CADPS: variants seen among roughly 807,000 people sequenced by gnomAD.
CADPS encodes calcium dependent secretion activator, also known as calcium-dependent secretion activator 1.
Under a neutral mutation model 167.3 loss-of-function variants are expected in CADPS, and 57 were observed. The ratio of observed to expected loss-of-function variants is 0.34; its 90% CI spans 0.28 to 0.42. The LOEUF (loss-of-function observed/expected upper bound fraction) is 0.42, where lower values mean the gene tolerates loss of function less well. CADPS is among the 20% of genes least tolerant of loss of function. The pLI is 1.00. For synonymous variants in CADPS, 676 were observed against 635.3 expected, an observed-to-expected ratio of 1.06 and a Z score of -0.96; for missense variants, 1,414 against 1,738.1, an observed-to-expected ratio of 0.81 and a Z score of 3.32.
intron 3 of CADPS, among the ~76,000 whole-genome samples, chr3:62,709,410 TTTTTG>T (rs572023487): frequency 7.0e-4 from 106 of 152,262 alleles, no homozygotes; most frequent in Non-Finnish European, 1.4e-3. Context: ...TTGGACAATA[TTTTTG>T]TTTTGTTTTG....
chr3:62,760,789 A>C (rs2085210925), intron 2 of CADPS, among the ~76,000 whole-genome samples: 1 of 152,162 alleles, frequency 6.6e-6, no homozygotes, highest in South Asian at 2.1e-4. Flanking sequence ...TACTCCTCTT[A>C]AATAAAAAAA....
At chr3:62,607,036 A>C (rs1375394129) in intron 6 of CADPS, among the ~76,000 whole-genome samples, 1 of 152,240 alleles carries the variant, frequency 6.6e-6, no homozygotes, top group Non-Finnish European at 1.5e-5. Flanking sequence ...TTACACAGCA[A>C]CAGTGAACTG....
intron 21 of CADPS, among the ~76,000 whole-genome samples, chr3:62,483,463 T>C (rs1339816546): frequency 1.3e-5 from 2 of 152,112 alleles, no homozygotes; most frequent in African/African-American, 2.4e-5. Context: ...TAGAAACAGA[T>C]TATTCTTTCA....
At chr3:62,799,197 G>A (rs1386909505) in intron 1 of CADPS, among the ~76,000 whole-genome samples, 2 of 152,132 alleles carry the variant, frequency 1.3e-5, no homozygotes, top group Admixed American at 6.6e-5. Flanking sequence ...TTACTTGGGT[G>A]CTCTGAGGAA....
intron 3 of CADPS, among the ~76,000 whole-genome samples, chr3:62,738,712 G>T (rs559157935): frequency 6.6e-6 from 1 of 152,100 alleles, no homozygotes; most frequent in African/African-American, 2.4e-5. Context: ...GGCAACAAGA[G>T]TGAAACTCCG....
chr3:62,580,918 C>T (rs2083306760), intron 8 of CADPS, among the ~76,000 whole-genome samples: 1 of 152,118 alleles, frequency 6.6e-6, no homozygotes, highest in East Asian at 1.9e-4. Context: ...GGACTACAAC[C>T]TTAGAAAATC....
chr3:62,518,033 T>A (rs1035996670), intron 14 of CADPS, 116 bp downstream of exon 14: 1 of 736,998 alleles, frequency 1.4e-6, no homozygotes, highest in African/African-American at 1.8e-5. Context: ...TACTCAGTTA[T>A]TTCTAAATAT....
chr3:62,732,780 G>A (rs1349703287), intron 3 of CADPS, among the ~76,000 whole-genome samples: 1 of 152,126 alleles, frequency 6.6e-6, no homozygotes, highest in African/African-American at 2.4e-5. Context: ...CTTTTCCTGT[G>A]GTTGTAATGT....
chr3:62,426,138 G>T (rs1332294017), intron 28 of CADPS, among the ~76,000 whole-genome samples: 1 of 151,888 alleles, frequency 6.6e-6, no homozygotes, highest in Non-Finnish European at 1.5e-5. Context: ...AAGGGTGTGG[G>T]GTGTGTGTTG....
At chr3:62,618,952 T>C (rs1017168223) in intron 6 of CADPS, among the ~76,000 whole-genome samples, 6 of 152,216 alleles carry the variant, frequency 3.9e-5, no homozygotes, top group Non-Finnish European at 8.8e-5. Flanking sequence ...CTTATCTTAA[T>C]TAGGTATTGA....
intron 1 of CADPS, among the ~76,000 whole-genome samples, chr3:62,807,263 CTTT>C (rs1173087995): frequency 2.8e-5 from 4 of 141,114 alleles, no homozygotes; most frequent in Admixed American, 7.2e-5. Flanking sequence ...ATCAAATTTC[CTTT>C]TTTTTTTTTT....
chr3:62,546,226 C>A (rs1211655395), intron 11 of CADPS, among the ~76,000 whole-genome samples: 1 of 151,784 alleles, frequency 6.6e-6, no homozygotes, highest in Non-Finnish European at 1.5e-5. Flanking sequence ...TATAGATTGG[C>A]AACCAAATGT....
At chr3:62,493,141 T>C (rs922185645) in intron 19 of CADPS, among the ~76,000 whole-genome samples, 2 of 152,162 alleles carry the variant, frequency 1.3e-5, no homozygotes, top group African/African-American at 4.8e-5. Context: ...ATATGTACAT[T>C]GAAAACCAAA....
chr3:62,684,203 A>G (rs568198563), intron 3 of CADPS, among the ~76,000 whole-genome samples: 5 of 152,156 alleles, frequency 3.3e-5, no homozygotes, highest in South Asian at 2.1e-4. Context: ...ATTATTTATT[A>G]CAGTATGGAC....
chr3:62,767,855 A>T (rs1015601646), intron 1 of CADPS, among the ~76,000 whole-genome samples: 53 of 152,362 alleles, frequency 3.5e-4, no homozygotes, highest in African/African-American at 1.2e-3. Flanking sequence ...CAATATAGCC[A>T]AAATAACGTT....
At chr3:62,812,336 G>A (rs1348016594) in intron 1 of CADPS, among the ~76,000 whole-genome samples, 1 of 152,088 alleles carries the variant, frequency 6.6e-6, no homozygotes, top group Non-Finnish European at 1.5e-5. Flanking sequence ...TACATAAGGT[G>A]GCCTTCAAGT....
At chr3:62,510,691 C>T (rs2067614333) in intron 17 of CADPS, among the ~76,000 whole-genome samples, 1 of 152,046 alleles carries the variant, frequency 6.6e-6, no homozygotes, top group African/African-American at 2.4e-5. Context: ...AGCAGCTGTC[C>T]ATATTTCAGT....
At chr3:62,490,508 G>A (rs1164394736) in intron 21 of CADPS, among the ~76,000 whole-genome samples, 3 of 152,130 alleles carry the variant, frequency 2.0e-5, no homozygotes, top group Non-Finnish European at 4.4e-5. Flanking sequence ...ATGGCACCAA[G>A]CCTGCCAAAC....
chr3:62,606,353 T>C (rs950341182), intron 6 of CADPS, among the ~76,000 whole-genome samples: 1 of 152,156 alleles, frequency 6.6e-6, no homozygotes, highest in African/African-American at 2.4e-5. Context: ...TATGGATTAA[T>C]GGGTTAACAG....
Sources: gnomAD v4.1 joint callset for allele counts (sites outside exome capture counted in the v4.1 genomes callset) on GRCh38, gnomAD v4.1.1 for gene constraint, MANE v1.5 for transcripts, NCBI Gene and HGNC (gene_info 2026-07-23, HGNC 2026-07-21) for gene names.